Variants in BNC2 observed in about 807,000 individuals in gnomAD.
BNC2 encodes basonuclin zinc finger protein 2.
A neutral mutation model predicts 76.3 loss-of-function variants in BNC2; 20 were observed. The ratio of observed to expected loss-of-function variants is 0.26; its 90% confidence interval spans 0.18 to 0.38. The LOEUF (loss-of-function observed/expected upper bound fraction) is 0.38. Ranked by LOEUF, BNC2 falls within the 10% of genes least tolerant of loss-of-function variation. The probability of loss-of-function intolerance (pLI) is 1.00; values close to 1 mark genes in which losing one functional copy is unlikely to be tolerated. For synonymous variants in BNC2, 582 were observed against 514.8 expected (o/e 1.13, Z -1.77); for missense variants, 1,382 against 1,399.8 (o/e 0.99, Z 0.20).
chr9:16,608,455 T>C (rs1190509164), intron 3 of BNC2, among the ~76,000 whole-genome samples: 4 of 152,296 alleles, frequency 2.6e-5, no homozygotes, highest in Non-Finnish European at 5.9e-5. Flanking sequence ...AAAAAAAGTT[T>C]ATTATGATTA....
intron 1 of BNC2, among the ~76,000 whole-genome samples, chr9:16,801,731 TA>T (rs146510714): frequency 9.0e-5 from 5 of 55,304 alleles, no homozygotes; most frequent in Non-Finnish European, 2.2e-4. Context: ...CCCCTTAAAT[TA>T]AAAAAAAAAA....
At chr9:16,691,731 G>A (rs1385353496) in intron 3 of BNC2, among the ~76,000 whole-genome samples, 2 of 151,296 alleles carry the variant, frequency 1.3e-5, no homozygotes, top group Admixed American at 1.3e-4. Flanking sequence ...GGATGGTCTC[G>A]ATCTCCTGAC....
chr9:16,524,082 C>T (rs569308668), intron 5 of BNC2, among the ~76,000 whole-genome samples: 1 of 152,356 alleles, frequency 6.6e-6, no homozygotes, highest in Admixed American at 6.5e-5. Flanking sequence ...CCACCTTTTC[C>T]TCTTTACTAC....
chr9:16,628,381 A>G (rs573679458), intron 3 of BNC2, among the ~76,000 whole-genome samples: 22 of 152,308 alleles, frequency 1.4e-4, no homozygotes, highest in Non-Finnish European at 2.6e-4. Flanking sequence ...CCACACATTC[A>G]AAAACCTTAA....
At chr9:16,545,259 A>G (rs1818443844) in intron 5 of BNC2, among the ~76,000 whole-genome samples, 1 of 152,246 alleles carries the variant, frequency 6.6e-6, no homozygotes, top group Non-Finnish European at 1.5e-5. Context: ...GCTACTTTAT[A>G]GAAACAAAGT....
intron 3 of BNC2, among the ~76,000 whole-genome samples, chr9:16,655,175 A>G (rs1470256568): frequency 6.6e-6 from 1 of 151,886 alleles, no homozygotes; most frequent in Non-Finnish European, 1.5e-5. Flanking sequence ...GGAGGAAAAA[A>G]CTGGGGGAGG....
intron 3 of BNC2, among the ~76,000 whole-genome samples, chr9:16,688,496 A>G (rs1823045866): frequency 6.6e-6 from 1 of 152,100 alleles, no homozygotes; most frequent in African/African-American, 2.4e-5. Flanking sequence ...TGATTTGGGG[A>G]ATTCCGTTTT....
At chr9:16,866,530 A>G (rs1048820015) in intron 1 of BNC2, among the ~76,000 whole-genome samples, 2 of 152,086 alleles carry the variant, frequency 1.3e-5, no homozygotes, top group Non-Finnish European at 2.9e-5. Context: ...TAGTTAGTCA[A>G]ACCAAAACAT....
chr9:16,448,015 C>T (rs574835986), intron 5 of BNC2, among the ~76,000 whole-genome samples: 2 of 152,156 alleles, frequency 1.3e-5, no homozygotes, highest in South Asian at 2.1e-4. Flanking sequence ...AAGGAAAACA[C>T]TAGAAACAGG....
At chr9:16,543,069 C>T (rs2132405475) in intron 5 of BNC2, among the ~76,000 whole-genome samples, 1 of 152,170 alleles carries the variant, frequency 6.6e-6, no homozygotes, top group Admixed American at 6.6e-5. Context: ...TAGAAAAGGA[C>T]ACAGTAGCTC....
intron 2 of BNC2, among the ~76,000 whole-genome samples, chr9:16,731,953 T>C (rs532154399): frequency 6.6e-6 from 1 of 152,058 alleles, no homozygotes; most frequent in Non-Finnish European, 1.5e-5. Flanking sequence ...TGAGATCCAA[T>C]TAGTTACAAA....
chr9:16,741,623 G>T (rs1266530045), intron 1 of BNC2, among the ~76,000 whole-genome samples: 1 of 152,124 alleles, frequency 6.6e-6, no homozygotes, highest in Non-Finnish European at 1.5e-5. Context: ...CTTAGAACCA[G>T]CAAGGAGTTC....
chr9:16,843,385 A>G (rs1001393176), intron 1 of BNC2, among the ~76,000 whole-genome samples: 1 of 152,206 alleles, frequency 6.6e-6, no homozygotes, highest in Non-Finnish European at 1.5e-5. Flanking sequence ...GCTGGAGTGC[A>G]GTGGCAAAAA....
chr9:16,796,597 GAAGGGAAGGGAAGGGAAAGGGA>G (rs1221925210), intron 1 of BNC2, among the ~76,000 whole-genome samples: 1 of 149,448 alleles, frequency 6.7e-6, no homozygotes, highest in East Asian at 2.0e-4. Context: ...AAAAGGAAAG[GAAGGGAAGGGAAGGGAAAGGGA>G]AAGGGAAGGG....
At chr9:16,836,376 C>A (rs939387664) in intron 1 of BNC2, among the ~76,000 whole-genome samples, 2 of 151,918 alleles carry the variant, frequency 1.3e-5, no homozygotes, top group African/African-American at 4.8e-5. Context: ...ATAAAGTAGA[C>A]CATCAGAAAC....
intron 5 of BNC2, among the ~76,000 whole-genome samples, chr9:16,439,355 G>C (rs1370612809): frequency 1.3e-5 from 2 of 152,158 alleles, no homozygotes; most frequent in South Asian, 2.1e-4. Flanking sequence ...AAAGTGTAAA[G>C]TTCAGGAAAG....
intron 4 of BNC2, among the ~76,000 whole-genome samples, chr9:16,569,446 G>A (rs1351147707): frequency 1.3e-5 from 2 of 151,928 alleles, no homozygotes; most frequent in East Asian, 3.9e-4. Flanking sequence ...TTAGTCCAGG[G>A]TAGACACTGA....
intron 1 of BNC2, among the ~76,000 whole-genome samples, chr9:16,811,552 CAAAA>C (rs1179927173): frequency 5.2e-5 from 3 of 58,040 alleles, no homozygotes; most frequent in African/African-American, 1.6e-4. Context: ...AACTCCATCT[CAAAA>C]AAAAAAAAAA....
chr9:16,759,017 G>A (rs1825475114), intron 1 of BNC2, among the ~76,000 whole-genome samples: 1 of 152,142 alleles, frequency 6.6e-6, no homozygotes, highest in Non-Finnish European at 1.5e-5. Context: ...AATTTGTTCT[G>A]ATTTTTAGCA....
Sources: allele counts gnomAD v4.1 joint callset (sites outside exome capture counted in the v4.1 genomes callset), GRCh38; gene constraint gnomAD v4.1.1; transcripts MANE v1.5; gene names NCBI Gene and HGNC (gene_info 2026-07-23, HGNC 2026-07-21).